SLC14A2: variants seen among roughly 807,000 people sequenced by gnomAD.
SLC14A2 encodes solute carrier family 14 member 2.
In SLC14A2, 91 loss-of-function variants were observed where a neutral mutation model predicts 104.6. That is an observed-to-expected ratio of 0.87 (90% confidence interval 0.73 to 1.04). The LOEUF (loss-of-function observed/expected upper bound fraction) is 1.04. Ranked by LOEUF, SLC14A2 falls within the 50% of genes least tolerant of loss-of-function variation. The probability of loss-of-function intolerance (pLI) is 0.00; values close to 1 mark genes in which losing one functional copy is unlikely to be tolerated. For missense variants in SLC14A2, 1,189 were observed against 1,156.0 expected (o/e 1.03, Z -0.41); for synonymous variants, 476 against 466.4 (o/e 1.02, Z -0.27).
chr18:45,654,137 T>TGGA (rs1568315855), intron 10 of SLC14A2, among the ~76,000 whole-genome samples: 1 of 149,756 alleles, frequency 6.7e-6, no homozygotes, highest in African/African-American at 2.5e-5. Flanking sequence ...GCAGGAATGC[T>TGGA]GGGGGGGACG....
intron 2 of SLC14A2, among the ~76,000 whole-genome samples, chr18:45,501,672 A>C (rs2043201237): frequency 6.6e-6 from 1 of 152,178 alleles, no homozygotes; most frequent in Admixed American, 6.5e-5. Context: ...GAACACAGTC[A>C]AGGTCCGATA....
chr18:45,562,986 C>T (rs1274099484), intron 2 of SLC14A2, among the ~76,000 whole-genome samples: 1 of 152,116 alleles, frequency 6.6e-6, no homozygotes, highest in Non-Finnish European at 1.5e-5. Context: ...TTTTATAGTT[C>T]CTCGGGGCTT....
In SLC14A2 at chr18:45,425,898, G is replaced by C. The variant is rs184818484; in HGVS notation, c.-124-57335G>C. Among the ~76,000 whole-genome samples, 1,126 of 152,064 alleles carry C rather than the reference G, an allele frequency of 7.4e-3. 6 individuals carry two copies. Among genetic ancestry groups the C allele is most frequent in the Non-Finnish European group, 0.013 (884 of 67,982 alleles). On this transcript the variant is annotated intron_variant, in intron 1 of 20. Coordinates refer to the SLC14A2 transcript ENST00000586448. ...TAAAGGGAGGGGGTGGATTTCATTT[G>C]AGTGAAAAGCTGTGTGCTGTCCCCG...
chr18:45,674,508 T>C (rs558458330), intron 18 of SLC14A2, among the ~76,000 whole-genome samples: 1 of 152,286 alleles, frequency 6.6e-6, no homozygotes, highest in Non-Finnish European at 1.5e-5. Context: ...GACTACGAAC[T>C]CTAAACAAGA....
intron 1 of SLC14A2, among the ~76,000 whole-genome samples, chr18:45,420,993 C>G (rs759866980): frequency 1.2e-4 from 19 of 152,100 alleles, no homozygotes; most frequent in Non-Finnish European, 2.1e-4. Flanking sequence ...CCCACCTCAG[C>G]CTCCCAAAGT....
chr18:45,419,392 T>C (rs1278166916), intron 1 of SLC14A2, among the ~76,000 whole-genome samples: 1 of 152,242 alleles, frequency 6.6e-6, no homozygotes, highest in South Asian at 2.1e-4. Context: ...GCCCCTTCAC[T>C]CTTCCTTACT....
intron 1 of SLC14A2, among the ~76,000 whole-genome samples, chr18:45,349,081 G>T (rs1477393260): frequency 6.6e-6 from 1 of 152,194 alleles, no homozygotes; most frequent in Non-Finnish European, 1.5e-5. Context: ...AGTGTGTAAT[G>T]GAGTTTCACC....
chr18:45,297,999 A>G (rs1038802625), intron 1 of SLC14A2, among the ~76,000 whole-genome samples: 2 of 152,236 alleles, frequency 1.3e-5, no homozygotes, highest in African/African-American at 4.8e-5. Context: ...TTTAAACTTT[A>G]TGCCTGTGTC....
chr18:45,224,088 C>A (rs1282923382), intron 1 of SLC14A2, among the ~76,000 whole-genome samples: 1 of 152,132 alleles, frequency 6.6e-6, no homozygotes, highest in Non-Finnish European at 1.5e-5. Context: ...TCAGCATAAT[C>A]CTTAGTTCCC....
chr18:45,187,369 C>A, the SLC14A2 span, among the ~76,000 whole-genome samples: 6 of 151,978 alleles, frequency 3.9e-5, no homozygotes, highest in Non-Finnish European at 5.9e-5. Context: ...GGAAAGAATG[C>A]CAAACTGAAT....
chr18:45,346,607 A>G (rs1393062932), intron 1 of SLC14A2, among the ~76,000 whole-genome samples: 2 of 152,192 alleles, frequency 1.3e-5, no homozygotes, highest in African/African-American at 4.8e-5. Flanking sequence ...GAGTTTGGAA[A>G]TTTAATATAA....
chr18:45,543,983 G>A (rs1041669372), intron 2 of SLC14A2, among the ~76,000 whole-genome samples: 9 of 152,214 alleles, frequency 5.9e-5, no homozygotes, highest in African/African-American at 2.2e-4. Context: ...GGTTTCCCTG[G>A]TGGATAGCAC....
rs115897557 is a variant in SLC14A2, at chr18:45,345,434, G to A, written c.-125+132243G>A. ...TGATGGACAGGTGTTCAGGAGTGAA[G>A]CCTTCTCAGATCATGCCATGCACGT... is the stretch of plus-strand genomic sequence containing the variant. On this transcript the variant is annotated intron_variant, in intron 1 of 20. Coordinates refer to the SLC14A2 transcript ENST00000586448. 3.1e-3 allele frequency among the ~76,000 whole-genome samples: 465 copies of A among 152,222 alleles called. 3 individuals carry two copies. The highest frequency in any genetic ancestry group is 0.011 in the African/African-American group (437 of 41,516).
At chr18:45,412,266 C>A (rs1423603451) in intron 1 of SLC14A2, among the ~76,000 whole-genome samples, 1 of 151,996 alleles carries the variant, frequency 6.6e-6, no homozygotes, top group Non-Finnish European at 1.5e-5. Flanking sequence ...CCACAGTGAA[C>A]AATGTTTTAT....
chr18:45,484,780 G>A (rs945834589), intron 2 of SLC14A2, among the ~76,000 whole-genome samples: 1 of 147,716 alleles, frequency 6.8e-6, no homozygotes, highest in African/African-American at 2.5e-5. Flanking sequence ...TGGTTGGTTG[G>A]TTTTTCTTTT....
intron 2 of SLC14A2, among the ~76,000 whole-genome samples, chr18:45,520,366 T>C (rs2043500666): frequency 6.6e-6 from 1 of 152,142 alleles, no homozygotes; most frequent in Admixed American, 6.5e-5. Flanking sequence ...TGATGGAGAC[T>C]TAGGATAATG....
chr18:45,214,776 A>T (rs2083993236), intron 1 of SLC14A2, among the ~76,000 whole-genome samples: 1 of 152,134 alleles, frequency 6.6e-6, no homozygotes, highest in South Asian at 2.1e-4. Context: ...TGTCTATAAC[A>T]TGTCATCATT....
chr18:45,595,289 G>A (rs1438196281), intron 2 of SLC14A2, among the ~76,000 whole-genome samples: 5 of 150,646 alleles, frequency 3.3e-5, no homozygotes, highest in Non-Finnish European at 7.5e-5. Context: ...TCTCTGTGAG[G>A]AATTAATGAT....
chr18:45,295,771 G>A (rs1568139643), intron 1 of SLC14A2, among the ~76,000 whole-genome samples: 1 of 152,186 alleles, frequency 6.6e-6, no homozygotes, highest in Non-Finnish European at 1.5e-5. Flanking sequence ...CCCCAGAAGT[G>A]AGTGAAAGAC....
Sources: gnomAD v4.1 joint callset for allele counts (sites outside exome capture counted in the v4.1 genomes callset) on GRCh38, gnomAD v4.1.1 for gene constraint, MANE v1.5 for transcripts, NCBI Gene and HGNC (gene_info 2026-07-23, HGNC 2026-07-21) for gene names.